MSR1: variants seen among roughly 807,000 people sequenced by gnomAD.
The protein encoded by MSR1 is macrophage scavenger receptor types I and II.
MSR1 carries 53 observed loss-of-function variants against 47.2 expected under a neutral mutation model. The observed-to-expected ratio is 1.12, with a 90% CI of 0.90 to 1.41. MSR1 has a LOEUF of 1.41. Ranked by LOEUF, MSR1 falls within the 40% of genes most tolerant of loss-of-function variation. The pLI, the probability that MSR1 is intolerant of heterozygous loss-of-function variation, is 0.00. For synonymous variants in MSR1, 239 were observed against 185.6 expected, an observed-to-expected ratio of 1.29 and a Z score of -2.34; for missense variants, 786 against 546.9, an observed-to-expected ratio of 1.44 and a Z score of -4.36.
intron 1 of MSR1, among the ~76,000 whole-genome samples, chr8:16,192,238 G>A (rs1802218502): frequency 6.6e-6 from 1 of 152,104 alleles, no homozygotes; most frequent in South Asian, 2.1e-4. Context: ...GAGAATAGGT[G>A]AAATATGTCA....
At chr8:16,158,363 A>T (rs1399427324) in intron 5 of MSR1, among the ~76,000 whole-genome samples, 1 of 152,010 alleles carries the variant, frequency 6.6e-6, no homozygotes, top group Non-Finnish European at 1.5e-5. Context: ...AAAAGTACTG[A>T]TATATAATAT....
In MSR1 at chr8:16,168,780, T is replaced by A; in HGVS notation, c.308A>T (p.Asp103Val). 6.2e-7 allele frequency: 1 copy of A among 1,614,148 alleles called. No homozygotes were observed. The highest frequency in any genetic ancestry group is 8.5e-7 in the Non-Finnish European group (1 of 1,180,010). The change falls in exon 4 of 10, where the codon GAC becomes GTC. Residue 103 changes from aspartate (D) to valine (V), a missense_variant. Transcript: ENST00000262101. Reference protein sequence around the residue: ...ITQSLTGKGNDSEEEMRFQEV... With the variant: ...ITQSLTGKGNVSEEEMRFQEV... ...TTGAAATCTCATTTCCTCTTCGCTG[T>A]CATTTCCTTTTCCCGTGAGACTTTG...
chr8:16,120,653 A>G, intron 8 of MSR1, 47 bp from the exon 9 acceptor site: 1 of 1,534,770 alleles, frequency 6.5e-7, no homozygotes. Flanking sequence ...GCAAGCAAGG[A>G]CTAATTATGT....
intron 3 of MSR1, among the ~76,000 whole-genome samples, chr8:16,171,738 T>A (rs1489340682): frequency 6.6e-6 from 1 of 152,198 alleles, no homozygotes. Context: ...AACGTTGTCC[T>A]TTTTTGATTA....
intron 4 of MSR1, among the ~76,000 whole-genome samples, chr8:16,164,786 T>C (rs996069851): frequency 1.3e-5 from 2 of 152,080 alleles, no homozygotes; most frequent in African/African-American, 4.8e-5. Flanking sequence ...TCAGTTTGCA[T>C]TGCCTCTGTA....
At chr8:16,121,175 T>G (rs775927154) in intron 8 of MSR1, 10 of 426,252 alleles carry the variant, frequency 2.3e-5, no homozygotes, top group African/African-American at 4.1e-5. Context: ...GTGAGGTTCC[T>G]GGATTCTGTA....
chr8:16,115,872 G>A (rs977298257), intron 9 of MSR1, among the ~76,000 whole-genome samples: 11 of 152,018 alleles, frequency 7.2e-5, no homozygotes, highest in East Asian at 5.8e-4. Flanking sequence ...CTGTGGTCCC[G>A]AGAAACTCTG....
intron 7 of MSR1, 85 bp downstream of exon 7, chr8:16,150,146 A>G (rs1158325468): frequency 6.7e-4 from 106 of 157,936 alleles, no homozygotes; most frequent in South Asian, 1.4e-3. Flanking sequence ...GTGTGTATAT[A>G]TATATATATA....
At chr8:16,189,897 T>C (rs1223320897) in intron 1 of MSR1, among the ~76,000 whole-genome samples, 1 of 147,764 alleles carries the variant, frequency 6.8e-6, no homozygotes, top group Admixed American at 7.0e-5. Flanking sequence ...ATATAAATAA[T>C]GATGTTATAA....
chr8:16,140,265 G>C, intron 8 of MSR1: 5 of 984,112 alleles, frequency 5.1e-6, no homozygotes, highest in Non-Finnish European at 6.0e-6. Flanking sequence ...AATAGAACAA[G>C]GCTCTGTCTC....
chr8:16,185,837 T>C (rs1407338521), intron 1 of MSR1, among the ~76,000 whole-genome samples: 1 of 148,318 alleles, frequency 6.7e-6, no homozygotes, highest in Non-Finnish European at 1.5e-5. Flanking sequence ...AGAAGATACC[T>C]TTTTTCAGGA....
intron 8 of MSR1, chr8:16,139,912 C>A (rs1800507102): frequency 2.6e-6 from 1 of 383,250 alleles, no homozygotes; most frequent in Non-Finnish European, 3.5e-6. Context: ...TTTTTTATCT[C>A]CTCTGCATAC....
chr8:16,185,271 C>T (rs1361604820), intron 1 of MSR1, among the ~76,000 whole-genome samples: 4 of 152,112 alleles, frequency 2.6e-5, no homozygotes, highest in African/African-American at 9.7e-5. Context: ...ATCTCATCTA[C>T]TTCCATGGCT....
intron 7 of MSR1, among the ~76,000 whole-genome samples, chr8:16,143,996 C>T (rs867465595): frequency 6.6e-6 from 1 of 152,048 alleles, no homozygotes; most frequent in Non-Finnish European, 1.5e-5. Flanking sequence ...ATTCACATTA[C>T]ATTTATGGTT....
intron 8 of MSR1, among the ~76,000 whole-genome samples, chr8:16,128,614 C>G (rs1018880035): frequency 1.3e-5 from 2 of 152,056 alleles, no homozygotes; most frequent in African/African-American, 4.8e-5. Context: ...CAGACTAATA[C>G]GTTTTCTTTT....
chr8:16,123,902 T>C (rs1269391786), intron 8 of MSR1, among the ~76,000 whole-genome samples: 1 of 152,138 alleles, frequency 6.6e-6, no homozygotes, highest in Non-Finnish European at 1.5e-5. Flanking sequence ...CTTCTTTCTG[T>C]AGGTTGCTTT....
chr8:16,156,921 T>C (rs1324559437), intron 5 of MSR1, among the ~76,000 whole-genome samples: 1 of 151,956 alleles, frequency 6.6e-6, no homozygotes, highest in Non-Finnish European at 1.5e-5. Flanking sequence ...GGAGTTATGG[T>C]AACTTCCATA....
At chr8:16,160,422 G>T (rs941693915) in intron 5 of MSR1, among the ~76,000 whole-genome samples, 1 of 152,020 alleles carries the variant, frequency 6.6e-6, no homozygotes, top group African/African-American at 2.4e-5. Context: ...CAACACATAT[G>T]TAATTGCTCA....
chr8:16,177,910 A>G lies in MSR1; in HGVS notation c.79T>C (p.Ser27Pro). 1 of 1,613,926 alleles carries G rather than the reference A, an allele frequency of 6.2e-7. No homozygotes were observed. The highest frequency in any genetic ancestry group is 8.5e-7 in the Non-Finnish European group (1 of 1,179,902). The change falls in exon 2 of 10, where the codon TCA becomes CCA. Residue 27 changes from serine to proline, a missense_variant. Transcript: ENST00000262101. ...CTCGGAGGAAGCAAAGCTGTCATTGAGCGAGCATCAAATTTCACAGATTCG... is the reference window on the plus strand; with the variant it reads ...CTCGGAGGAAGCAAAGCTGTCATTGGGCGAGCATCAAATTTCACAGATTCG... ...CSESVKFDAR[S>P]MTALLPPNPK...
Sources: allele counts gnomAD v4.1 joint callset (sites outside exome capture counted in the v4.1 genomes callset), GRCh38; gene constraint gnomAD v4.1.1; transcripts MANE v1.5; gene names NCBI Gene and HGNC (gene_info 2026-07-23, HGNC 2026-07-21).